Variants in RRP15 observed in about 807,000 individuals in gnomAD.
RRP15 encodes ribosomal RNA processing 15 homolog, also known as RRP15-like protein.
RRP15 carries 18 observed loss-of-function variants against 27.1 expected under a neutral mutation model. The ratio of observed to expected loss-of-function variants is 0.66; its 90% CI spans 0.46 to 0.98. The LOEUF (loss-of-function observed/expected upper bound fraction) is 0.98, where lower values mean the gene tolerates loss of function less well. Ranked by LOEUF, RRP15 falls within the 50% of genes least tolerant of loss-of-function variation. RRP15 has a pLI of 0.00. For missense variants in RRP15, 359 were observed against 337.8 expected, an observed-to-expected ratio of 1.06 and a Z score of -0.49; for synonymous variants, 107 against 109.4, an observed-to-expected ratio of 0.98 and a Z score of 0.14.
chr1:218,308,062 CTTTTTTTTT>C (rs56813511), intron 4 of RRP15, among the ~76,000 whole-genome samples: 3,013 of 66,978 alleles, frequency 0.045, 98 homozygotes, highest in African/African-American at 0.16. Context: ...TTCTTTCTTT[CTTTTTTTTT>C]TTTTTTTTTT....
At chr1:218,305,183 C>T in intron 3 of RRP15, 58 bp downstream of exon 3, 1 of 1,303,030 alleles carries the variant, frequency 7.7e-7, no homozygotes, top group Non-Finnish European at 1.1e-6. Flanking sequence ...CATAGTGGTT[C>T]TATTTTTGAC....
intron 3 of RRP15, among the ~76,000 whole-genome samples, chr1:218,307,078 C>T (rs1217390101): frequency 6.6e-6 from 1 of 152,158 alleles, no homozygotes; most frequent in Non-Finnish European, 1.5e-5. Context: ...TTTCATAACA[C>T]AAGAGTTGCA....
intron 4 of RRP15, among the ~76,000 whole-genome samples, chr1:218,310,940 G>C (rs759061987): frequency 3.3e-5 from 5 of 151,736 alleles, no homozygotes; most frequent in African/African-American, 7.3e-5. Flanking sequence ...GTAGAGACAG[G>C]GTTTCACCAT....
rs185399940 is a variant in RRP15, at chr1:218,326,129, A to G, written c.706-4819A>G. Among the ~76,000 whole-genome samples, 3 of 152,192 alleles carry G rather than the reference A, an allele frequency of 2.0e-5. No homozygotes were observed. In the East Asian group the frequency reaches 5.8e-4, roughly 29 times the overall value. On this transcript the variant is annotated intron_variant, in intron 4 of 4. Coordinates refer to ENST00000366932, the MANE Select transcript of RRP15 (RefSeq NM_016052.4). ...AGACCAGTTTGGCCAACATGGTGAA[A>G]CCCCATCTTTACTAAAAATACAAAA...
At chr1:218,300,144 G>C (rs10159167) in intron 1 of RRP15, among the ~76,000 whole-genome samples, 13,666 of 151,994 alleles carry the variant, frequency 0.09, 1,155 homozygotes, top group African/African-American at 0.23. Flanking sequence ...TAATTTTTTT[G>C]TCTTTATTAA....
At chr1:218,305,651 T>C (rs907256041) in intron 3 of RRP15, among the ~76,000 whole-genome samples, 1 of 152,228 alleles carries the variant, frequency 6.6e-6, no homozygotes, top group Non-Finnish European at 1.5e-5. Flanking sequence ...ATTATGTCTA[T>C]GTGTTGGGAA....
chr1:218,326,789 A>C (rs1377634136), intron 4 of RRP15, among the ~76,000 whole-genome samples: 2 of 152,196 alleles, frequency 1.3e-5, no homozygotes, highest in East Asian at 3.8e-4. Context: ...CATCTGTGCA[A>C]GCCCATTACC....
At position 218,332,157 on chromosome 1, in the gene RRP15, C is replaced by T. The variant is rs925275446; in HGVS notation, c.*1066C>T. ...AAGTTTGACATGCTTTAGTCTCTCT[C>T]TTCTTTTTTTTCCTCCCAAATATTT... On this transcript the variant is annotated 3_prime_UTR_variant, in exon 5 of 5. Coordinates refer to ENST00000366932, the MANE Select transcript of RRP15 (RefSeq NM_016052.4). 6 of 152,120 alleles carry T rather than the reference C, an allele frequency of 3.9e-5. No individual in the cohort carries two copies. Among genetic ancestry groups the T allele is most frequent in the Admixed American group, 6.6e-5 (1 of 15,264 alleles). 9.4% of individuals were successfully genotyped at this position (152,120 alleles called of 1,614,324 possible).
chr1:218,324,513 A>G (rs1203882936), intron 4 of RRP15, among the ~76,000 whole-genome samples: 2 of 152,144 alleles, frequency 1.3e-5, no homozygotes, highest in African/African-American at 4.8e-5. Flanking sequence ...CGCTCCTGCT[A>G]CCACCGCCTG....
intron 4 of RRP15, among the ~76,000 whole-genome samples, chr1:218,319,872 A>C (rs1363066817): frequency 6.6e-6 from 1 of 152,154 alleles, no homozygotes; most frequent in South Asian, 2.1e-4. Flanking sequence ...TATATGCTAT[A>C]TAATATAGCA....
In RRP15 at chr1:218,337,515, T is replaced by C. The variant is rs1656467934; in HGVS notation, c.*6424T>C. On this transcript the variant is annotated 3_prime_UTR_variant, in exon 5 of 5. Transcript: ENST00000366932. Reference sequence around the variant, plus strand: ...CTGTCAATTCCTTTTAAAATGATGGTTGTGAAGACTGATGAAAACACAGTG... The same window carrying C: ...CTGTCAATTCCTTTTAAAATGATGGCTGTGAAGACTGATGAAAACACAGTG... 6.6e-6 allele frequency: 1 copy of C among 152,204 alleles called. No homozygotes were observed. Among genetic ancestry groups the C allele is most frequent in the African/African-American group, 2.4e-5 (1 of 41,460 alleles). 9.4% of individuals were successfully genotyped at this position (152,204 alleles called of 1,614,324 possible).
rs2102520432 is a variant in RRP15, at chr1:218,334,149, T to C, written c.*3058T>C. On this transcript the variant is annotated 3_prime_UTR_variant, in exon 5 of 5. Transcript: ENST00000366932. ...GATAATACCTGATTAGGACTGAAAA[T>C]AGAATTATCTTAGTAGTTTAGCACT... The C allele has an allele frequency of 2.6e-5, 4 of 152,294 alleles. No individual in the cohort carries two copies. In the Middle Eastern group the frequency reaches 0.014, roughly 522 times the overall value. The allele number at this position is 152,294 out of a possible 1,614,324, so 9.4% of individuals were successfully genotyped here.
rs1425964031 is a variant in RRP15 at position 218,334,428 on chromosome 1, T to C, written c.*3337T>C. On this transcript the variant is annotated 3_prime_UTR_variant, in exon 5 of 5. Coordinates refer to ENST00000366932, the MANE Select transcript of RRP15 (RefSeq NM_016052.4). Reference sequence around the variant, plus strand: ...AAACAGATGGGTGAAGAAAGGGACGTATAAATTCTGGGAAACCTCTTATGT... The same window carrying C: ...AAACAGATGGGTGAAGAAAGGGACGCATAAATTCTGGGAAACCTCTTATGT... 1 of 152,328 alleles carries C rather than the reference T, an allele frequency of 6.6e-6. No individual in the cohort carries two copies. Among genetic ancestry groups the C allele is most frequent in the East Asian group, 1.9e-4 (1 of 5,180 alleles). 9.4% of individuals were successfully genotyped at this position (152,328 alleles called of 1,614,324 possible).
chr1:218,306,223 CA>C (rs1655896313), intron 3 of RRP15, among the ~76,000 whole-genome samples: 1 of 152,124 alleles, frequency 6.6e-6, no homozygotes, highest in Non-Finnish European at 1.5e-5. Context: ...GGATCAAAGA[CA>C]AAGGACTTTA....
At chr1:218,295,162 T>C (rs1472675461) in intron 1 of RRP15, among the ~76,000 whole-genome samples, 1 of 151,982 alleles carries the variant, frequency 6.6e-6, no homozygotes, top group African/African-American at 2.4e-5. Context: ...TCACCTCAGG[T>C]GAAAAAATAA....
intron 4 of RRP15, among the ~76,000 whole-genome samples, chr1:218,323,784 G>A (rs1244544476): frequency 6.6e-6 from 1 of 152,212 alleles, no homozygotes; most frequent in Non-Finnish European, 1.5e-5. Context: ...GGCCTGGCAT[G>A]TCAGCGCTGC....
intron 1 of RRP15, among the ~76,000 whole-genome samples, chr1:218,288,321 G>A (rs895111602): frequency 6.6e-6 from 1 of 152,174 alleles, no homozygotes; most frequent in Non-Finnish European, 1.5e-5. Flanking sequence ...TTTGCAAACA[G>A]GCAACTTTCA....
Position 218,302,423 on chromosome 1 carries a change from T to G in RRP15, c.269T>G (p.Met90Arg), listed in dbSNP as rs773019228. 1.2e-6 allele frequency: 2 copies of G among 1,614,022 alleles called. No individual in the cohort carries two copies. Among genetic ancestry groups the G allele is most frequent in the Non-Finnish European group, 1.7e-6 (2 of 1,179,974 alleles). The change falls in exon 2 of 5, where the codon ATG becomes AGG. Residue 90 changes from methionine (M) to arginine (R), a missense_variant. Met to Arg is a moderately conservative substitution (Grantham distance 91, BLOSUM62 -1). Coordinates refer to ENST00000366932, the MANE Select transcript of RRP15 (RefSeq NM_016052.4). The part of the protein sequence containing the change: ...NDGESSVGTN[M>R]GWADAMAKVL... Reference sequence around the variant, plus strand: ...GGAGAATCAAGTGTTGGGACTAATATGGGCTGGGCAGATGCTATGGCTAAA... The same window carrying G: ...GGAGAATCAAGTGTTGGGACTAATAGGGGCTGGGCAGATGCTATGGCTAAA...
At chr1:218,324,429 G>A (rs1285615446) in intron 4 of RRP15, among the ~76,000 whole-genome samples, 1 of 152,212 alleles carries the variant, frequency 6.6e-6, no homozygotes, top group African/African-American at 2.4e-5. Flanking sequence ...CTGCCTGTGT[G>A]AGCGTGGGTG....
Sources: allele counts gnomAD v4.1 joint callset (sites outside exome capture counted in the v4.1 genomes callset), GRCh38; gene constraint gnomAD v4.1.1; transcripts MANE v1.5; gene names NCBI Gene and HGNC (gene_info 2026-07-23, HGNC 2026-07-21).